The following INF2 variants were observed in gnomAD, a reference collection of about 807,000 sequenced individuals.
INF2 encodes inverted formin-2.
Under a neutral mutation model 123.5 loss-of-function variants are expected in INF2, and 43 were observed. That is an observed-to-expected ratio of 0.35 (90% CI 0.27 to 0.45). INF2 has a LOEUF of 0.45. Ranked by LOEUF, INF2 falls within the 20% of genes least tolerant of loss-of-function variation. The probability of loss-of-function intolerance (pLI) is 1.00; values close to 1 mark genes in which losing one functional copy is unlikely to be tolerated. For synonymous variants in INF2, 851 were observed against 745.0 expected, an observed-to-expected ratio of 1.14 and a Z score of -2.32; for missense variants, 1,453 against 1,682.7, an observed-to-expected ratio of 0.86 and a Z score of 2.39.
intron 10 of INF2, 65 bp from the exon 11 acceptor site, chr14:104,709,216 C>G: frequency 7.6e-7 from 1 of 1,318,602 alleles, no homozygotes; most frequent in Non-Finnish European, 1.1e-6. Flanking sequence ...GGTGGGGTCC[C>G]AAAGAGGCTG....
At chr14:104,700,472 T>C (rs1889423767) in intron 1 of INF2, among the ~76,000 whole-genome samples, 1 of 152,066 alleles carries the variant, frequency 6.6e-6, no homozygotes, top group African/African-American at 2.4e-5. Context: ...ATCTAAGCCA[T>C]ACATGGTTGC....
rs1889808623 is a variant in INF2, at chr14:104,706,979, C to T, written c.913C>T (p.Leu305Phe). Residue 305 changes from leucine to phenylalanine, a missense_variant, in exon 7 of 23, where the codon CTC becomes TTC. Leu to Phe is a conservative substitution (Grantham distance 22). Around this residue, in one of 8 missense-constraint regions of INF2, gnomAD observed 374 missense variants for 303.7 expected, o/e 1.23. Transcript: ENST00000392634. ...LQGLLHLEPT[L>F]RSSQLLWEAL... is the part of the protein sequence containing the mutation. ...GGGCCTCCTGCACCTGGAGCCCACC[C>T]TCCGCTCCAGCCAGCTGCTCTGGGA... 1 of 1,600,074 alleles carries T rather than the reference C, an allele frequency of 6.2e-7. No individual in the cohort carries two copies. Among genetic ancestry groups the T allele is most frequent in the African/African-American group, 1.3e-5 (1 of 74,952 alleles).
intron 1 of INF2, chr14:104,700,812 C>T (rs1889443150): frequency 2.0e-6 from 2 of 984,768 alleles, no homozygotes; most frequent in Non-Finnish European, 2.4e-6. Flanking sequence ...TGGGAGTCGC[C>T]CCTCCTCCCC....
In INF2 at chr14:104,722,249, G is replaced by A. The variant is rs1198052502; in HGVS notation, c.*3456G>A. 6.6e-6 allele frequency: 1 copy of A among 152,278 alleles called. No individual in the cohort carries two copies. Among genetic ancestry groups the A allele is most frequent in the Non-Finnish European group, 1.5e-5 (1 of 68,084 alleles). The allele number at this position is 152,278 out of a possible 1,614,324, so 9.4% of individuals were successfully genotyped here. On this transcript the variant is annotated 3_prime_UTR_variant, in exon 23 of 23. Coordinates refer to ENST00000392634, the MANE Select transcript of INF2 (RefSeq NM_022489.4). The stretch of plus-strand genomic sequence containing the variant: ...ACTCCCTGCCCCTACCCGGGCCCGT[G>A]GCTATTTATAGTCCGGGCCTGGAGA...
intron 22 of INF2, chr14:104,715,927 C>A (rs1357860352): frequency 2.2e-6 from 1 of 456,084 alleles, no homozygotes; most frequent in Non-Finnish European, 4.4e-6. Flanking sequence ...GTCCTCCCAC[C>A]CCGAGGCCAT....
intron 22 of INF2, chr14:104,716,045 T>G: frequency 2.3e-6 from 1 of 437,506 alleles, no homozygotes; most frequent in Non-Finnish European, 4.6e-6. Context: ...GAGAGGCCAA[T>G]GCATCCAGCT....
Position 104,711,160 on chromosome 14 carries a change from G to A in INF2, c.2392G>A (p.Val798Met), listed in dbSNP as rs752048486. 21 of 1,567,482 alleles carry A rather than the reference G, an allele frequency of 1.3e-5. No individual in the cohort carries two copies. In the South Asian group the frequency reaches 1.9e-4, roughly 14 times the overall value. ...LTETKSQQNR[V>M]TLLHHVLEEA... ...GGAGACCAAGTCCCAGCAGAACCGC[G>A]TGACGCTGCTGCACCACGTGCTGGA... The change falls in exon 15 of 23, where the codon GTG becomes ATG. Residue 798 changes from valine (V) to methionine (M), a missense_variant. By Grantham distance (21) the Val-to-Met change is conservative. This residue lies in a region of INF2 where 31 missense variants were observed against 86.0 expected (regional missense o/e 0.36). Transcript: ENST00000392634.
chr14:104,711,915 A>C (rs1237231947), intron 16 of INF2, among the ~76,000 whole-genome samples: 1 of 152,200 alleles, frequency 6.6e-6, no homozygotes, highest in African/African-American at 2.4e-5. Flanking sequence ...ACAGGCCTAG[A>C]GTGGGCAAGG....
Position 104,708,428 on chromosome 14 carries a change from C to T in INF2, c.1736-8C>T. On this transcript the variant is annotated splice_polypyrimidine_tract_variant and splice_region_variant and intron_variant, in intron 8 of 22. Transcript: ENST00000392634. Reference sequence around the variant, plus strand: ...GAGAGCCTCACTGGCCGTGTCCCCACCCGACAGAGCACAACTCTATGTGGG... The same window carrying T: ...GAGAGCCTCACTGGCCGTGTCCCCATCCGACAGAGCACAACTCTATGTGGG... 1.9e-6 allele frequency: 3 copies of T among 1,611,368 alleles called. No individual in the cohort carries two copies. The highest frequency in any genetic ancestry group is 2.2e-5 in the South Asian group (2 of 91,042).
At chr14:104,695,615 G>C (rs565937975) in intron 1 of INF2, among the ~76,000 whole-genome samples, 1 of 110,112 alleles carries the variant, frequency 9.1e-6, no homozygotes, top group Non-Finnish European at 2.0e-5. Flanking sequence ...CCAGTGAGCC[G>C]GGGCATTTCC....
intron 1 of INF2, chr14:104,700,997 TC>T: frequency 2.5e-6 from 1 of 395,254 alleles, no homozygotes; most frequent in Non-Finnish European, 3.4e-6. Flanking sequence ...AGCCTCCCGC[TC>T]CCCCGAGTCC....
chr14:104,715,722 G>C (rs1164374361), intron 22 of INF2: 1 of 521,804 alleles, frequency 1.9e-6, no homozygotes. Flanking sequence ...GTGTCCTGGC[G>C]CTAACTGCAG....
chr14:104,718,955 G>C lies in INF2; in HGVS notation c.*162G>C. On this transcript the variant is annotated 3_prime_UTR_variant, in exon 23 of 23. Transcript: ENST00000392634. The stretch of plus-strand genomic sequence containing the variant: ...GGGGCCCTCCTGGAGCCTTCTTGGG[G>C]TGTTGTGGCTGGGAACCCGACAGGC... 7.0e-7 allele frequency: 1 copy of C among 1,424,794 alleles called. No homozygotes were observed. The highest frequency in any genetic ancestry group is 9.2e-7 in the Non-Finnish European group (1 of 1,092,278). 88.3% of individuals were successfully genotyped at this position (1,424,794 alleles called of 1,614,324 possible).
At chr14:104,698,987 G>A (rs1440327831) in intron 1 of INF2, among the ~76,000 whole-genome samples, 3 of 152,170 alleles carry the variant, frequency 2.0e-5, no homozygotes, top group Non-Finnish European at 4.4e-5. Flanking sequence ...TCCTCCCACC[G>A]TGGCTCCACC....
At chr14:104,705,931 G>T (rs1889759300) in intron 5 of INF2, 104 bp from the exon 6 acceptor site, 1 of 1,435,550 alleles carries the variant, frequency 7.0e-7, no homozygotes, top group South Asian at 1.3e-5. Flanking sequence ...CAGAGTCCCA[G>T]GTGGGCTGAG....
chr14:104,711,479 C>G, intron 15 of INF2, 150 bp from the exon 16 acceptor site: 2 of 758,774 alleles, frequency 2.6e-6, no homozygotes, highest in Non-Finnish European at 4.7e-6. Context: ...AAGTCATAGC[C>G]AGGCCCAAGG....
At chr14:104,687,613 C>T (rs899300854), upstream of INF2, among the ~76,000 whole-genome samples, 6 of 152,310 alleles carry the variant, frequency 3.9e-5, no homozygotes, top group Middle Eastern at 3.4e-3. This position sits in a 1 kb window ranked among gnomAD's most constrained non-coding sequence, Gnocchi z 5.6. Context: ...CACCCTGCTC[C>T]GGCCTGTGCT....
intron 1 of INF2, among the ~76,000 whole-genome samples, chr14:104,701,107 G>A (rs571103116): frequency 1.3e-5 from 2 of 152,194 alleles, no homozygotes; most frequent in South Asian, 2.1e-4. Context: ...CTGAGCCTCG[G>A]GGTCCTCATG....
At chr14:104,708,812 C>T (rs1240603258) in intron 10 of INF2, 80 bp downstream of exon 10, 103 of 1,417,390 alleles carry the variant, frequency 7.3e-5, no homozygotes, top group Non-Finnish European at 1.0e-4. Flanking sequence ...CCCAGCAGTG[C>T]CCTCTGCAGG....
Sources: gnomAD v4.1 joint callset for allele counts (sites outside exome capture counted in the v4.1 genomes callset) on GRCh38, gnomAD v4.1.1 for gene constraint, gnomAD v4.1.1 regional missense constraint, Gnocchi (gnomAD v3.1) non-coding constraint, MANE v1.5 for transcripts, NCBI Gene and HGNC (gene_info 2026-07-23, HGNC 2026-07-21) for gene names.